NHEJ1: variants seen among roughly 807,000 people sequenced by gnomAD.
NHEJ1 encodes the protein non-homologous end joining factor 1, also known as non-homologous end-joining factor 1.
A neutral mutation model predicts 39.4 loss-of-function variants in NHEJ1; 22 were observed. The observed-to-expected ratio is 0.56, with a 90% confidence interval of 0.40 to 0.80. NHEJ1 has a LOEUF of 0.80. NHEJ1 is among the 30% of genes least tolerant of loss of function. NHEJ1 has a pLI of 0.00. For synonymous variants in NHEJ1, 154 were observed against 135.6 expected (o/e 1.14, Z -0.94); for missense variants, 329 against 357.1 (o/e 0.92, Z 0.63).
intron 3 of NHEJ1, among the ~76,000 whole-genome samples, chr2:219,153,907 A>C (rs1463574080): frequency 6.6e-6 from 1 of 152,194 alleles, no homozygotes; most frequent in African/African-American, 2.4e-5. Context: ...ATTTGGCATT[A>C]TGTTATGTGG....
rs1452680840 is a variant in NHEJ1 at position 219,147,898 on chromosome 2, G to A, written c.391-103C>T. On this transcript the variant is annotated intron_variant, in intron 3 of 7. Transcript: ENST00000356853. ...ATACCGAAAAATAAATGTTCTTACA[G>A]AAACTTATAGTTTCATAGGCAAGTA... The A allele has an allele frequency of 2.5e-6, 3 of 1,182,458 alleles. No homozygotes were observed. The Admixed American group carries it at 5.9e-5, about 23-fold the overall frequency. The allele number at this position is 1,182,458 out of a possible 1,614,324, so 73.2% of individuals were successfully genotyped here. A position where few individuals can be genotyped will look rare whatever the true frequency, so the allele number is the denominator to read the frequency against.
chr2:219,096,785 G>A (rs1457427647), intron 5 of NHEJ1, among the ~76,000 whole-genome samples: 1 of 152,190 alleles, frequency 6.6e-6, no homozygotes, highest in Non-Finnish European at 1.5e-5. Context: ...CTAGAGTGAA[G>A]TGAGGGAGAC....
chr2:219,076,365 C>G lies in NHEJ1; in HGVS notation c.*16G>C. On this transcript the variant is annotated 3_prime_UTR_variant, in exon 8 of 8. Coordinates refer to ENST00000356853, the MANE Select transcript of NHEJ1 (RefSeq NM_024782.3). ...TGTTCTCCAAGTCCATCCTCAGCAG[C>G]TGAGGCCACAACAGATTAACTGAAG... The G allele has an allele frequency of 6.2e-7, 1 of 1,614,042 alleles. No individual in the cohort carries two copies. The highest frequency in any genetic ancestry group is 8.5e-7 in the Non-Finnish European group (1 of 1,179,942).
chr2:219,108,625 C>T (rs1364536821), intron 5 of NHEJ1, among the ~76,000 whole-genome samples: 7 of 152,160 alleles, frequency 4.6e-5, no homozygotes, highest in African/African-American at 9.7e-5. Context: ...TCCACATATT[C>T]TTAGTTTCAG....
At chr2:219,137,593 C>A (rs58301364) in intron 5 of NHEJ1, among the ~76,000 whole-genome samples, 25,605 of 76,054 alleles carry the variant, frequency 0.34, 5,233 homozygotes, top group Non-Finnish European at 0.42. Flanking sequence ...AAAAAAAAAA[C>A]AAAAAAAACT....
chr2:219,128,035 C>T (rs1363345410), intron 5 of NHEJ1, among the ~76,000 whole-genome samples: 3 of 152,224 alleles, frequency 2.0e-5, no homozygotes, highest in East Asian at 3.8e-4. Context: ...CCCCACTGAA[C>T]AGGTTTAGAG....
intron 5 of NHEJ1, among the ~76,000 whole-genome samples, chr2:219,138,438 A>G (rs1368595133): frequency 6.6e-6 from 1 of 152,244 alleles, no homozygotes; most frequent in African/African-American, 2.4e-5. Flanking sequence ...GCCTATGTCT[A>G]AGGCTACCAA....
intron 3 of NHEJ1, among the ~76,000 whole-genome samples, chr2:219,149,961 T>C (rs1949779972): frequency 6.6e-6 from 1 of 152,228 alleles, no homozygotes; most frequent in African/African-American, 2.4e-5. Flanking sequence ...TGCCAACCCC[T>C]GTCCTAGACC....
intron 5 of NHEJ1, among the ~76,000 whole-genome samples, chr2:219,139,917 G>A (rs1328617753): frequency 1.3e-5 from 2 of 152,246 alleles, no homozygotes; most frequent in African/African-American, 2.4e-5. Context: ...CTGACCTCAT[G>A]ATCCATCTGC....
chr2:219,076,163 AGAG>A lies in NHEJ1; in HGVS notation c.*215_*217del. 9.9e-7 allele frequency: 1 copy of A among 1,013,530 alleles called. No individual in the cohort carries two copies. The highest frequency in any genetic ancestry group is 1.4e-6 in the Non-Finnish European group (1 of 710,940). 62.8% of individuals were successfully genotyped at this position (1,013,530 alleles called of 1,614,324 possible). On this transcript the variant is annotated 3_prime_UTR_variant, in exon 8 of 8. Transcript: ENST00000356853. ...GAACCTACAGAACCTCCACCAAAAG[AGAG>A]GAGAGCACGGGATTCTCAGAGACTG... is the stretch of plus-strand genomic sequence containing the variant.
intron 5 of NHEJ1, among the ~76,000 whole-genome samples, chr2:219,101,172 TGGTACCATC>T (rs1305917078): frequency 6.6e-6 from 1 of 152,172 alleles, no homozygotes; most frequent in East Asian, 1.9e-4. Flanking sequence ...TGGAGTGCAG[TGGTACCATC>T]TTGGCTCACT....
At chr2:219,154,920 T>C (rs1249160034) in intron 3 of NHEJ1, among the ~76,000 whole-genome samples, 1 of 147,508 alleles carries the variant, frequency 6.8e-6, no homozygotes, top group African/African-American at 2.5e-5. Flanking sequence ...ATTATATTAA[T>C]ATAGATTAAT....
chr2:219,100,124 T>C (rs1241985336), intron 5 of NHEJ1, among the ~76,000 whole-genome samples: 1 of 152,144 alleles, frequency 6.6e-6, no homozygotes, highest in Admixed American at 6.5e-5. Flanking sequence ...ACATGACATA[T>C]TCACACAATA....
intron 5 of NHEJ1, among the ~76,000 whole-genome samples, chr2:219,130,335 GA>G (rs765667111): frequency 2.6e-5 from 4 of 152,148 alleles, no homozygotes; most frequent in Non-Finnish European, 4.4e-5. Context: ...AGTTTCAGGA[GA>G]GAGGGGCTGT....
chr2:219,129,797 C>A (rs1199313002), intron 5 of NHEJ1, among the ~76,000 whole-genome samples: 1 of 152,254 alleles, frequency 6.6e-6, no homozygotes, highest in Admixed American at 6.5e-5. Flanking sequence ...CACCGTGTGT[C>A]CACACAGACG....
chr2:219,153,678 G>GA (rs1949819379), intron 3 of NHEJ1, among the ~76,000 whole-genome samples: 1 of 37,350 alleles, frequency 2.7e-5, no homozygotes, highest in Admixed American at 4.6e-4. Flanking sequence ...CATCTCAAAA[G>GA]AAAAAGAAAG....
chr2:219,128,843 A>G (rs986239009), intron 5 of NHEJ1, among the ~76,000 whole-genome samples: 11 of 152,162 alleles, frequency 7.2e-5, no homozygotes, highest in Non-Finnish European at 1.2e-4. Context: ...GGCCATAGGT[A>G]GCTGCCAGCC....
rs1220423183 is a variant in NHEJ1, at chr2:219,141,402, G to A, written c.588+5278C>T. ...CTCAAAAAAAAAAAGCAGGGGGGGA[G>A]TGGGGGAAAAGGGAGAGAAAAATGG... On this transcript the variant is annotated intron_variant, in intron 5 of 7. Coordinates refer to ENST00000356853, the MANE Select transcript of NHEJ1 (RefSeq NM_024782.3). Among the ~76,000 whole-genome samples, 8 of 150,856 alleles carry A rather than the reference G, an allele frequency of 5.3e-5. No homozygotes were observed. The South Asian group carries it at 8.3e-4, about 16-fold the overall frequency.
chr2:219,087,748 A>G (rs940379560), intron 5 of NHEJ1, among the ~76,000 whole-genome samples: 4 of 152,232 alleles, frequency 2.6e-5, no homozygotes, highest in Non-Finnish European at 4.4e-5. Context: ...CACAAACCAT[A>G]AAGGAAAAGG....
Sources: allele counts gnomAD v4.1 joint callset (sites outside exome capture counted in the v4.1 genomes callset), GRCh38; gene constraint gnomAD v4.1.1; transcripts MANE v1.5; gene names NCBI Gene and HGNC (gene_info 2026-07-23, HGNC 2026-07-21).